Variants in ROBO2 observed in about 807,000 individuals in gnomAD.
ROBO2 encodes roundabout homolog 2.
A neutral mutation model predicts 160.8 loss-of-function variants in ROBO2; 53 were observed. The observed-to-expected ratio is 0.33, with a 90% CI of 0.26 to 0.41. The LOEUF (loss-of-function observed/expected upper bound fraction) is 0.41. Among genes scored for constraint, ROBO2 ranks in the 10% least tolerant of loss-of-function variants. ROBO2 has a pLI of 1.00. For missense variants in ROBO2, 1,577 were observed against 1,722.4 expected (o/e 0.92, Z 1.49); for synonymous variants, 664 against 611.7 (o/e 1.09, Z -1.26).
intron 2 of ROBO2, among the ~76,000 whole-genome samples, chr3:76,075,173 C>CA (rs1253510055): frequency 3.2e-4 from 48 of 152,004 alleles, no homozygotes; most frequent in African/African-American, 1.1e-3. Flanking sequence ...GGAGCCCTGT[C>CA]ACCCATGCTT....
intron 2 of ROBO2, among the ~76,000 whole-genome samples, chr3:77,309,573 A>G (rs892888659): frequency 1.3e-5 from 2 of 152,248 alleles, no homozygotes; most frequent in African/African-American, 2.4e-5. Flanking sequence ...ACATAAAAAT[A>G]CTTGTATTAA....
intron 2 of ROBO2, among the ~76,000 whole-genome samples, chr3:77,396,941 T>C (rs1189131336): frequency 6.6e-6 from 1 of 152,116 alleles, no homozygotes; most frequent in Non-Finnish European, 1.5e-5. Context: ...TAAAAGCGAA[T>C]GCATTCAGAA....
chr3:77,597,313 A>G (rs1266300875), intron 19 of ROBO2, among the ~76,000 whole-genome samples: 1 of 127,694 alleles, frequency 7.8e-6, no homozygotes, highest in South Asian at 2.9e-4. Context: ...ATAAATAAAT[A>G]AATAAATAAA....
chr3:75,958,390 T>G (rs947902306), intron 2 of ROBO2, among the ~76,000 whole-genome samples: 2 of 151,836 alleles, frequency 1.3e-5, no homozygotes, highest in African/African-American at 4.8e-5. Context: ...GATACTTGCT[T>G]TTGTGGAGCT....
At chr3:76,342,992 G>A (rs1332856433) in intron 2 of ROBO2, among the ~76,000 whole-genome samples, 4 of 151,974 alleles carry the variant, frequency 2.6e-5, no homozygotes, top group African/African-American at 9.7e-5. Flanking sequence ...CATTATAAAT[G>A]TTGATAGTTG....
At chr3:76,471,833 C>A (rs752499010) in intron 2 of ROBO2, among the ~76,000 whole-genome samples, 2 of 152,024 alleles carry the variant, frequency 1.3e-5, no homozygotes, top group East Asian at 1.9e-4. Flanking sequence ...TCCTTCATCA[C>A]GTGATGGCAG....
intron 1 of ROBO2, among the ~76,000 whole-genome samples, chr3:77,097,605 C>T (rs777161625): frequency 6.6e-6 from 1 of 152,110 alleles, no homozygotes; most frequent in Non-Finnish European, 1.5e-5. Flanking sequence ...AACATATTGG[C>T]AGCACATTAA....
intron 1 of ROBO2, among the ~76,000 whole-genome samples, chr3:75,927,977 T>TC (rs1491202682): frequency 0.12 from 27 of 218 alleles, 7 homozygotes; most frequent in Non-Finnish European, 0.15. Flanking sequence ...ATTTTCTCTC[T>TC]TTTTTTTTTT....
chr3:76,669,358 T>C (rs778561960), intron 2 of ROBO2, among the ~76,000 whole-genome samples: 4 of 152,168 alleles, frequency 2.6e-5, no homozygotes, highest in Non-Finnish European at 5.9e-5. Context: ...CTTAACATAT[T>C]TCTTTCTCTT....
intron 2 of ROBO2, among the ~76,000 whole-genome samples, chr3:76,424,861 C>A (rs958204748): frequency 5.3e-5 from 8 of 152,148 alleles, no homozygotes; most frequent in Admixed American, 3.9e-4. Context: ...TATTTACTAA[C>A]CATTCTGTGA....
chr3:77,064,554 T>A (rs187316133), intron 1 of ROBO2, among the ~76,000 whole-genome samples: 1 of 152,168 alleles, frequency 6.6e-6, no homozygotes, highest in East Asian at 1.9e-4. Context: ...AGAGACAGGT[T>A]TTTGCCATAT....
chr3:77,053,944 G>A (rs1423144743), intron 1 of ROBO2, among the ~76,000 whole-genome samples: 1 of 152,182 alleles, frequency 6.6e-6, no homozygotes, highest in Non-Finnish European at 1.5e-5. Flanking sequence ...TGCGATTATA[G>A]TGCCCATTTA....
intron 1 of ROBO2, among the ~76,000 whole-genome samples, chr3:77,056,583 G>C (rs2065767447): frequency 6.6e-6 from 1 of 151,946 alleles, no homozygotes; most frequent in East Asian, 1.9e-4. Context: ...ATAATATAGA[G>C]AACTGAGCAT....
At chr3:77,186,103 A>C (rs560268105) in intron 2 of ROBO2, among the ~76,000 whole-genome samples, 16 of 152,030 alleles carry the variant, frequency 1.1e-4, no homozygotes, top group Admixed American at 9.8e-4. Flanking sequence ...TGATGGGTGC[A>C]CCCAAATCTC....
chr3:76,521,493 A>C (rs574602837), intron 2 of ROBO2, among the ~76,000 whole-genome samples: 78 of 152,294 alleles, frequency 5.1e-4, no homozygotes, highest in Middle Eastern at 3.4e-3. Flanking sequence ...AGGGGAAGCA[A>C]GTTTTGAAAA....
intron 2 of ROBO2, among the ~76,000 whole-genome samples, chr3:76,398,155 A>T (rs1047827962): frequency 1.3e-5 from 2 of 152,092 alleles, no homozygotes; most frequent in African/African-American, 4.8e-5. Context: ...ATAAAAAATG[A>T]TGAGTTCATG....
chr3:76,157,188 C>T (rs968469029), intron 2 of ROBO2, among the ~76,000 whole-genome samples: 1 of 152,132 alleles, frequency 6.6e-6, no homozygotes, highest in African/African-American at 2.4e-5. Flanking sequence ...GGTATGCATC[C>T]ATTGAACTTT....
At chr3:77,240,250 C>A (rs2088806911) in intron 2 of ROBO2, among the ~76,000 whole-genome samples, 1 of 152,150 alleles carries the variant, frequency 6.6e-6, no homozygotes, top group African/African-American at 2.4e-5. Context: ...GCAGCTGAGA[C>A]CCGGCAAGAA....
At chr3:77,584,516 C>T (rs1029206543) in intron 16 of ROBO2, among the ~76,000 whole-genome samples, 1 of 152,024 alleles carries the variant, frequency 6.6e-6, no homozygotes, top group Non-Finnish European at 1.5e-5. Flanking sequence ...AGCTGACTGC[C>T]AGCTTCTAGA....
Sources: allele counts gnomAD v4.1 joint callset (sites outside exome capture counted in the v4.1 genomes callset), GRCh38; gene constraint gnomAD v4.1.1; transcripts MANE v1.5; gene names NCBI Gene and HGNC (gene_info 2026-07-23, HGNC 2026-07-21).